Variants in CLEC4C observed in about 807,000 individuals in gnomAD.
CLEC4C encodes the protein C-type lectin domain family 4 member C.
Under a neutral mutation model 27.7 loss-of-function variants are expected in CLEC4C, and 17 were observed. The ratio of observed to expected loss-of-function variants is 0.61; its 90% CI spans 0.42 to 0.92. CLEC4C has a LOEUF of 0.92. Among genes scored for constraint, CLEC4C ranks in the 40% least tolerant of loss-of-function variants. The pLI, the probability that CLEC4C is intolerant of heterozygous loss-of-function variation, is 0.00. For synonymous variants in CLEC4C, 80 were observed against 80.8 expected, an observed-to-expected ratio of 0.99 and a Z score of 0.06; for missense variants, 244 against 257.3, an observed-to-expected ratio of 0.95 and a Z score of 0.35.
At chr12:7,740,932 C>T (rs1864839548) in intron 3 of CLEC4C, among the ~76,000 whole-genome samples, 1 of 151,444 alleles carries the variant, frequency 6.6e-6, no homozygotes, top group African/African-American at 2.4e-5. Context: ...GCTCCACCTT[C>T]TGGGTTTACA....
chr12:7,731,590 G>A (rs761504961), intron 4 of CLEC4C, among the ~76,000 whole-genome samples: 2 of 152,286 alleles, frequency 1.3e-5, no homozygotes, highest in African/African-American at 4.8e-5. Context: ...CCCAGGAGTA[G>A]CCACAAAGGG....
At chr12:7,735,519 A>G (rs1469444456) in intron 4 of CLEC4C, among the ~76,000 whole-genome samples, 1 of 148,724 alleles carries the variant, frequency 6.7e-6, no homozygotes, top group Non-Finnish European at 1.5e-5. Context: ...AAAAAAAAAA[A>G]AAAACGGCCA....
At chr12:7,731,193 C>G (rs1002034197) in intron 4 of CLEC4C, among the ~76,000 whole-genome samples, 3 of 152,092 alleles carry the variant, frequency 2.0e-5, no homozygotes, top group African/African-American at 4.8e-5. Flanking sequence ...AAGCACATTC[C>G]TTTCCCTTCA....
intron 2 of CLEC4C, among the ~76,000 whole-genome samples, chr12:7,745,259 G>C (rs1023445916): frequency 2.6e-5 from 4 of 151,942 alleles, no homozygotes; most frequent in African/African-American, 9.7e-5. Flanking sequence ...ACCGTGACGA[G>C]CTAGCACTCC....
intron 5 of CLEC4C, 98 bp from the exon 6 acceptor site, chr12:7,729,838 G>C: frequency 8.9e-7 from 1 of 1,124,142 alleles, no homozygotes; most frequent in Non-Finnish European, 1.3e-6. Flanking sequence ...GAAAGTCAAG[G>C]TCACGTCTAC....
In CLEC4C at chr12:7,745,205, G is replaced by A. The variant is rs142956280; in HGVS notation, c.124+1126C>T. On this transcript the variant is annotated intron_variant, in intron 2 of 5. Transcript: ENST00000360345. ...GGAAATCAGGTTTAGATGAGGTTAT[G>A]AGGGGGGGCTCTCATGGTGAGATGA... Among the ~76,000 whole-genome samples the A allele has an allele frequency of 2.5e-3, 385 of 152,040 alleles. 1 individual carries two copies. Among genetic ancestry groups the A allele is most frequent in the African/African-American group, 8.7e-3 (362 of 41,496 alleles).
chr12:7,737,220 G>C (rs1431396760), intron 4 of CLEC4C, among the ~76,000 whole-genome samples: 1 of 151,712 alleles, frequency 6.6e-6, no homozygotes, highest in Non-Finnish European at 1.5e-5. Context: ...GACAAAAGGA[G>C]ACAGTCCCCC....
chr12:7,743,379 CTT>C (rs375768241), intron 2 of CLEC4C, among the ~76,000 whole-genome samples: 23 of 143,792 alleles, frequency 1.6e-4, no homozygotes, highest in Non-Finnish European at 2.9e-4. Flanking sequence ...TCACTTAATT[CTT>C]TTTTTTTTTT....
In CLEC4C at chr12:7,729,541, G is replaced by A; in HGVS notation, c.*55C>T. ...ACACATAAATTAAAAAATCAATTTAGCTTTCTACAACGGTGGATGCCAACC... is the reference window on the plus strand; with the variant it reads ...ACACATAAATTAAAAAATCAATTTAACTTTCTACAACGGTGGATGCCAACC... On this transcript the variant is annotated 3_prime_UTR_variant, in exon 6 of 6. Transcript: ENST00000360345. 1 of 1,537,866 alleles carries A rather than the reference G, an allele frequency of 6.5e-7. No individual in the cohort carries two copies. The highest frequency in any genetic ancestry group is 1.4e-5 in the African/African-American group (1 of 72,816).
Position 7,735,447 on chromosome 12 carries a change from A to G in CLEC4C, c.381+1982T>C, listed in dbSNP as rs143408169. 4.6e-3 allele frequency among the ~76,000 whole-genome samples: 681 copies of G among 148,462 alleles called. 4 individuals are homozygous for G. Among genetic ancestry groups the G allele is most frequent in the African/African-American group, 0.016 (645 of 40,652 alleles). On this transcript the variant is annotated intron_variant, in intron 4 of 5. Coordinates refer to ENST00000360345, the MANE Select transcript of CLEC4C (RefSeq NM_001371390.1). ...GAACCCAGGAAGCAGAGGTTGCAGT[A>G]AGCAGAGATCTTGCCACTGCACTCC...
chr12:7,730,099 A>T (rs17198999), intron 5 of CLEC4C, among the ~76,000 whole-genome samples: 23,112 of 151,850 alleles, frequency 0.15, 1,856 homozygotes, highest in East Asian at 0.31. Flanking sequence ...TGATTCAAAT[A>T]TTTTTTTTCC....
At position 7,729,772 on chromosome 12, in the gene CLEC4C, G is replaced by C. The variant is rs1565458271; in HGVS notation, c.498-32C>G. 3 of 1,609,792 alleles carry C rather than the reference G, an allele frequency of 1.9e-6. No individual in the cohort carries two copies. In the South Asian group the frequency reaches 3.3e-5, roughly 18 times the overall value. On this transcript the variant is annotated intron_variant, in intron 5 of 5. Coordinates refer to ENST00000360345, the MANE Select transcript of CLEC4C (RefSeq NM_001371390.1). ...GGTAGATAAAGGACAGTGGTGTTTTGAAACCGTGGTTTGGAAAAGGTTAGA... is the reference window on the plus strand; with the variant it reads ...GGTAGATAAAGGACAGTGGTGTTTTCAAACCGTGGTTTGGAAAAGGTTAGA...
chr12:7,747,595 T>C, upstream of CLEC4C: 1 of 332,956 alleles, frequency 3.0e-6, no homozygotes, highest in Non-Finnish European at 5.6e-6. Flanking sequence ...AATCGAGAAA[T>C]ACATGAAAAA....
chr12:7,747,632 C>CTTTTT (rs201227947), upstream of CLEC4C: 29 of 88,426 alleles, frequency 3.3e-4, no homozygotes, highest in South Asian at 2.3e-3. Context: ...GTCTGATTGT[C>CTTTTT]TTTTTTTTTT....
intron 3 of CLEC4C, among the ~76,000 whole-genome samples, chr12:7,738,444 T>C (rs183218733): frequency 2.0e-5 from 3 of 152,172 alleles, no homozygotes; most frequent in Non-Finnish European, 4.4e-5. Flanking sequence ...ACAGTGACAA[T>C]GTAGACCATA....
chr12:7,747,632 CTTTTT>C (rs201227947), upstream of CLEC4C: 1,484 of 88,320 alleles, frequency 0.017, 17 homozygotes, highest in African/African-American at 0.05. Flanking sequence ...GTCTGATTGT[CTTTTT>C]TTTTTTTTTT....
chr12:7,744,824 AGGCT>A (rs916537277), intron 2 of CLEC4C, among the ~76,000 whole-genome samples: 1 of 152,066 alleles, frequency 6.6e-6, no homozygotes, highest in Non-Finnish European at 1.5e-5. Context: ...TCTGTTGCCC[AGGCT>A]GGTCTTGAAC....
At chr12:7,741,978 G>T (rs915001221) in intron 2 of CLEC4C, among the ~76,000 whole-genome samples, 1 of 151,964 alleles carries the variant, frequency 6.6e-6, no homozygotes, top group Non-Finnish European at 1.5e-5. Flanking sequence ...CCGAGACCGC[G>T]CCATTGCACT....
upstream of CLEC4C, among the ~76,000 whole-genome samples, chr12:7,748,276 C>T (rs1865031257): frequency 6.6e-6 from 1 of 152,038 alleles, no homozygotes; most frequent in Admixed American, 6.6e-5. Flanking sequence ...GCCTATAATC[C>T]CAGCACTTTG....
Sources: gnomAD v4.1 joint callset for allele counts (sites outside exome capture counted in the v4.1 genomes callset) on GRCh38, gnomAD v4.1.1 for gene constraint, MANE v1.5 for transcripts, NCBI Gene and HGNC (gene_info 2026-07-23, HGNC 2026-07-21) for gene names.